ERCC8: variants seen among roughly 807,000 people sequenced by gnomAD.
ERCC8 encodes DNA excision repair protein ERCC-8.
In ERCC8, 52 loss-of-function variants were observed where a neutral mutation model predicts 54.9. The ratio of observed to expected loss-of-function variants is 0.95; its 90% CI spans 0.76 to 1.19. ERCC8 has a LOEUF of 1.19. Ranked by LOEUF, ERCC8 falls within the 50% of genes most tolerant of loss-of-function variation. ERCC8 has a pLI of 0.00. For missense variants in ERCC8, 514 were observed against 466.1 expected, an observed-to-expected ratio of 1.10 and a Z score of -0.95; for synonymous variants, 146 against 157.2, an observed-to-expected ratio of 0.93 and a Z score of 0.53.
In ERCC8 at chr5:60,922,103, A is replaced by G; in HGVS notation, c.226T>C (p.Ser76Pro). 3 of 1,610,734 alleles carry G rather than the reference A, an allele frequency of 1.9e-6. No homozygotes were observed. The highest frequency in any genetic ancestry group is 2.5e-6 in the Non-Finnish European group (3 of 1,177,884). Residue 76 changes from serine (S) to proline (P), a missense_variant, in exon 3 of 12, where the codon TCC (serine) becomes CCC (proline). By Grantham distance (74) the Ser-to-Pro change is moderately conservative. Coordinates refer to ENST00000676185, the MANE Select transcript of ERCC8 (RefSeq NM_000082.4). ...CATGTGTAATAAGATTGTCTGCTGG[A>G]GTTCTCAAGGTCATAAAGTACAATC... ...GVIVLYDLENSSRQSYYTCKA... is the reference protein window; with the variant it reads ...GVIVLYDLENPSRQSYYTCKA...
chr5:60,921,644 T>C (rs1028066586), intron 3 of ERCC8, among the ~76,000 whole-genome samples: 2 of 151,884 alleles, frequency 1.3e-5, no homozygotes, highest in African/African-American at 4.8e-5. Context: ...ATGTTTAGTA[T>C]ATCTAAACCT....
chr5:60,882,665 G>A (rs1748271616), intron 11 of ERCC8, among the ~76,000 whole-genome samples: 1 of 152,156 alleles, frequency 6.6e-6, no homozygotes, highest in Non-Finnish European at 1.5e-5. Context: ...GGGATTACAG[G>A]CGTGAGCCAC....
In ERCC8 at chr5:60,915,653, C is replaced by T. The variant is rs374726306; in HGVS notation, c.399+2612G>A. ...TTCTCCATCTTCCAGAGACCACCCACATTTCTTGGCTTGTGATCCCCTTAA... is the reference window on the plus strand; with the variant it reads ...TTCTCCATCTTCCAGAGACCACCCATATTTCTTGGCTTGTGATCCCCTTAA... On this transcript the variant is annotated intron_variant, in intron 4 of 11. Transcript: ENST00000676185. Among the ~76,000 whole-genome samples, 38 of 152,116 alleles carry T rather than the reference C, an allele frequency of 2.5e-4. 1 individual carries two copies. Among genetic ancestry groups the T allele is most frequent in the African/African-American group, 8.9e-4 (37 of 41,468 alleles).
At chr5:60,907,393 C>A (rs1189778110) in intron 4 of ERCC8, 3 of 138,830 alleles carry the variant, frequency 2.2e-5, no homozygotes, top group African/African-American at 8.4e-5. Context: ...CGCTCTGTTG[C>A]CCAGGCTGGT....
rs972928425 is a variant in ERCC8 at position 60,870,592 on chromosome 5, G to A, written c.*4023C>T. Among the ~76,000 whole-genome samples, 1 of 151,024 alleles carries A rather than the reference G, an allele frequency of 6.6e-6. No homozygotes were observed. The highest frequency in any genetic ancestry group is 2.4e-5 in the African/African-American group (1 of 41,036). On this transcript the variant is annotated 3_prime_UTR_variant, in exon 12 of 12. Coordinates refer to ENST00000676185, the MANE Select transcript of ERCC8 (RefSeq NM_000082.4). ...CAGGAAAATTGCTTGAACCTGGGAA[G>A]CGGAGGTTGCAGTGAGCTGAGATGG...
intron 3 of ERCC8, among the ~76,000 whole-genome samples, chr5:60,920,153 T>A (rs1383040688): frequency 5.3e-5 from 8 of 151,986 alleles, no homozygotes; most frequent in Non-Finnish European, 1.2e-4. Context: ...GGTGTGACCC[T>A]GACTGTGTTC....
chr5:60,900,209 A>G (rs762859018), intron 7 of ERCC8, among the ~76,000 whole-genome samples: 13 of 152,048 alleles, frequency 8.5e-5, no homozygotes, highest in Non-Finnish European at 1.6e-4. Flanking sequence ...AATGAGGACA[A>G]TGCATTTCCA....
intron 2 of ERCC8, among the ~76,000 whole-genome samples, chr5:60,925,467 G>A (rs2590570): frequency 0.88 from 134,545 of 152,168 alleles, 59,658 homozygotes; most frequent in East Asian, 0.95. Context: ...CTTACCATGG[G>A]CCACTCAAAC....
chr5:60,908,034 CCT>C (rs1440188779), intron 4 of ERCC8, among the ~76,000 whole-genome samples: 2 of 152,078 alleles, frequency 1.3e-5, no homozygotes, highest in Non-Finnish European at 2.9e-5. Context: ...TCCTGATTTT[CCT>C]CTTTCTCTCC....
chr5:60,892,634 C>T (rs1173822045), intron 9 of ERCC8: 2 of 658,774 alleles, frequency 3.0e-6, no homozygotes, highest in East Asian at 5.8e-5. Flanking sequence ...TGGAAATCTC[C>T]TCCAGGTTGC....
intron 4 of ERCC8, chr5:60,915,071 A>G (rs1749392311): frequency 6.6e-6 from 1 of 152,052 alleles, no homozygotes; most frequent in Non-Finnish European, 1.5e-5. Context: ...GTAAATTTTG[A>G]AATCATGGAT....
At chr5:60,913,613 G>GAA (rs1749339448) in intron 4 of ERCC8, among the ~76,000 whole-genome samples, 3 of 152,084 alleles carry the variant, frequency 2.0e-5, no homozygotes, top group Admixed American at 2.0e-4. Flanking sequence ...TCTGATCTTA[G>GAA]TTATTTCTTG....
chr5:60,907,302 G>T (rs2112498761), intron 4 of ERCC8: 1 of 151,362 alleles, frequency 6.6e-6, no homozygotes, highest in Admixed American at 6.6e-5. Context: ...AAACACATTT[G>T]CTTCCACTTA....
At chr5:60,903,436 TC>T in intron 6 of ERCC8, 2 of 717,710 alleles carry the variant, frequency 2.8e-6, no homozygotes, top group South Asian at 4.1e-5. Context: ...TGTTTGAGCT[TC>T]CCCAATGATC....
chr5:60,877,688 A>G (rs185572712), intron 11 of ERCC8, among the ~76,000 whole-genome samples: 3,104 of 152,236 alleles, frequency 0.02, 56 homozygotes, highest in Non-Finnish European at 0.031. Flanking sequence ...TTATTGGTGT[A>G]TAAGAATGCT....
intron 9 of ERCC8, among the ~76,000 whole-genome samples, chr5:60,894,598 A>T (rs1219828125): frequency 6.6e-6 from 1 of 150,594 alleles, no homozygotes; most frequent in East Asian, 1.9e-4. Context: ...CAGGCTCAGC[A>T]GTGTGAGCAT....
chr5:60,902,396 C>T (rs1423447516), intron 7 of ERCC8, 46 bp downstream of exon 7: 4 of 1,371,032 alleles, frequency 2.9e-6, no homozygotes, highest in African/African-American at 1.4e-5. Context: ...TTTCAAAATG[C>T]TTATTATTAA....
chr5:60,936,452 C>T (rs1393050846), intron 1 of ERCC8, among the ~76,000 whole-genome samples: 8 of 152,076 alleles, frequency 5.3e-5, no homozygotes, highest in African/African-American at 1.7e-4. Context: ...TTTTATTTAT[C>T]TTTTGAAAGA....
At chr5:60,926,260 A>G (rs1749748138) in intron 2 of ERCC8, among the ~76,000 whole-genome samples, 1 of 152,224 alleles carries the variant, frequency 6.6e-6, no homozygotes, top group Non-Finnish European at 1.5e-5. Context: ...ACTCTCCAAG[A>G]TAAGGAGCTT....
Sources: gnomAD v4.1 joint callset for allele counts (sites outside exome capture counted in the v4.1 genomes callset) on GRCh38, gnomAD v4.1.1 for gene constraint, MANE v1.5 for transcripts, NCBI Gene and HGNC (gene_info 2026-07-23, HGNC 2026-07-21) for gene names.